Variants in ZNF569 observed in about 807,000 individuals in gnomAD.
ZNF569 encodes the protein DNA-binding protein.
ZNF569 carries 38 observed loss-of-function variants against 56.3 expected under a neutral mutation model. The ratio of observed to expected loss-of-function variants is 0.68; its 90% CI spans 0.52 to 0.88. ZNF569 has a LOEUF of 0.88. Ranked by LOEUF, ZNF569 falls within the 40% of genes least tolerant of loss-of-function variation. The probability of loss-of-function intolerance (pLI) is 0.00; values close to 1 mark genes in which losing one functional copy is unlikely to be tolerated. For synonymous variants in ZNF569, 241 were observed against 262.9 expected, an observed-to-expected ratio of 0.92 and a Z score of 0.81; for missense variants, 666 against 809.2, an observed-to-expected ratio of 0.82 and a Z score of 2.15.
chr19:37,452,986 T>A (rs2058914041), intron 2 of ZNF569, among the ~76,000 whole-genome samples: 1 of 152,174 alleles, frequency 6.6e-6, no homozygotes, highest in African/African-American at 2.4e-5. Flanking sequence ...TAAGCCTTCT[T>A]CACTCTTTTT....
intron 5 of ZNF569, among the ~76,000 whole-genome samples, chr19:37,424,002 T>C (rs1264525905): frequency 6.6e-6 from 1 of 152,200 alleles, no homozygotes. Flanking sequence ...TGTATATATG[T>C]ATATGTGGGT....
chr19:37,438,347 C>T (rs376344995), intron 3 of ZNF569, among the ~76,000 whole-genome samples: 152 of 152,276 alleles, frequency 1.0e-3, no homozygotes, highest in African/African-American at 3.3e-3. Context: ...GTTCACACCT[C>T]TGCACTCCAG....
In ZNF569 at chr19:37,414,381, C is replaced by G. The variant is rs1430068109; in HGVS notation, c.277G>C (p.Asp93His). ...ACTTCAACTTGTCTCAAAAGTCTGT[C>G]CTGGTTTTTCTGATGCTCATCAACT... ...WGVDEHQKNQ[D>H]RLLRQVEVKF... The change falls in exon 6 of 6, where the codon GAC becomes CAC. Residue 93 changes from aspartate (D) to histidine (H), a missense_variant. By Grantham distance (81) the Asp-to-His change is moderately conservative. Coordinates refer to ENST00000316950, the MANE Select transcript of ZNF569 (RefSeq NM_152484.3). 1 of 1,603,672 alleles carries G rather than the reference C, an allele frequency of 6.2e-7. No homozygotes were observed. The highest frequency in any genetic ancestry group is 8.5e-7 in the Non-Finnish European group (1 of 1,176,192).
rs138925519 is a variant in ZNF569 at position 37,464,560 on chromosome 19, T to C, written c.-44+753A>G. Among the ~76,000 whole-genome samples, 543 of 152,304 alleles carry C rather than the reference T, an allele frequency of 3.6e-3. 4 individuals carry two copies. The highest frequency in any genetic ancestry group is 0.013 in the African/African-American group (521 of 41,564). On this transcript the variant is annotated intron_variant, in intron 2 of 5. Coordinates refer to ENST00000316950, the MANE Select transcript of ZNF569 (RefSeq NM_152484.3). Reference sequence around the variant, plus strand: ...TTAGATACACAAAGTCTTACTACTGTGTTACAGTTGCCTATGGTAGTCAGT... The same window carrying C: ...TTAGATACACAAAGTCTTACTACTGCGTTACAGTTGCCTATGGTAGTCAGT...
At chr19:37,419,969 CTTTTT>C (rs60568702) in intron 5 of ZNF569, among the ~76,000 whole-genome samples, 1 of 100,624 alleles carries the variant, frequency 9.9e-6, no homozygotes, top group Non-Finnish European at 1.9e-5. Flanking sequence ...TCTTTTCTTT[CTTTTT>C]TTTTTTTTTT....
intron 3 of ZNF569, among the ~76,000 whole-genome samples, chr19:37,427,425 T>C (rs369048353): frequency 1.2e-4 from 19 of 152,178 alleles, no homozygotes; most frequent in African/African-American, 4.1e-4. Flanking sequence ...AAAACAGAAA[T>C]GCCCAAACGT....
intron 5 of ZNF569, among the ~76,000 whole-genome samples, chr19:37,420,924 T>C (rs958928151): frequency 3.9e-5 from 6 of 152,364 alleles, no homozygotes; most frequent in Non-Finnish European, 7.3e-5. Context: ...GCTTGATCCA[T>C]GAGCTGCAGA....
Position 37,413,330 on chromosome 19 carries a change from C to T in ZNF569, c.1328G>A (p.Cys443Tyr). The part of the protein sequence containing the change: ...TREKPYECNE[C>Y]GKAFIQMSNL... ...TGACATCTGTATAAAAGCTTTCCCA[C>T]ATTCATTACACTCATAAGGTTTCTC... Residue 443 changes from cysteine (C) to tyrosine (Y), a missense_variant, in exon 6 of 6, where the codon TGT becomes TAT. Coordinates refer to ENST00000316950, the MANE Select transcript of ZNF569 (RefSeq NM_152484.3). 6.2e-7 allele frequency: 1 copy of T among 1,606,710 alleles called. No homozygotes were observed. The highest frequency in any genetic ancestry group is 8.5e-7 in the Non-Finnish European group (1 of 1,177,718).
rs759848319 is a variant in ZNF569 at position 37,414,205 on chromosome 19, G to A, written c.453C>T (p.Asp151=). ...LFGKCLEHNF[D]CHNNVKCLMR... is the part of the protein sequence containing the mutation. Reference sequence around the variant, plus strand: ...TAAGGCATTTCACATTATTATGACAGTCAAAATTATGTTCTAAACACTTTC... The same window carrying A: ...TAAGGCATTTCACATTATTATGACAATCAAAATTATGTTCTAAACACTTTC... The change falls in exon 6 of 6, where the codon GAC becomes GAT. Residue 151 remains aspartate (D), a synonymous_variant. Coordinates refer to ENST00000316950, the MANE Select transcript of ZNF569 (RefSeq NM_152484.3). 3.0e-5 allele frequency: 49 copies of A among 1,612,894 alleles called. No individual in the cohort carries two copies. The highest frequency in any genetic ancestry group is 8.9e-5 in the East Asian group (4 of 44,834).
At chr19:37,461,740 T>G (rs1355354351) in intron 2 of ZNF569, among the ~76,000 whole-genome samples, 1 of 152,216 alleles carries the variant, frequency 6.6e-6, no homozygotes, top group Non-Finnish European at 1.5e-5. Flanking sequence ...CTTTTCCACT[T>G]ACCTAGCCTA....
At chr19:37,424,101 G>C (rs1449402850) in intron 5 of ZNF569, among the ~76,000 whole-genome samples, 1 of 152,084 alleles carries the variant, frequency 6.6e-6, no homozygotes, top group African/African-American at 2.4e-5. Flanking sequence ...AATCAGCACT[G>C]ACTTAAAACT....
Position 37,412,472 on chromosome 19 carries a change from T to C in ZNF569, c.*125A>G. On this transcript the variant is annotated 3_prime_UTR_variant, in exon 6 of 6. Coordinates refer to ENST00000316950, the MANE Select transcript of ZNF569 (RefSeq NM_152484.3). ...AAGAATTCTCTAATGTTTCATAAAT[T>C]TGTGGCTTTTTCAGAAGGCTATCCC... 1 of 1,363,788 alleles carries C rather than the reference T, an allele frequency of 7.3e-7. No individual in the cohort carries two copies. Among genetic ancestry groups the C allele is most frequent in the East Asian group, 2.6e-5 (1 of 39,082 alleles). 84.5% of individuals were successfully genotyped at this position (1,363,788 alleles called of 1,614,324 possible). A position where few individuals can be genotyped will look rare whatever the true frequency, so the allele number is the denominator to read the frequency against.
chr19:37,444,999 T>G, intron 2 of ZNF569, 35 bp from the exon 3 acceptor site: 2 of 1,531,340 alleles, frequency 1.3e-6, no homozygotes, highest in Non-Finnish European at 1.8e-6. Context: ...AAAATAGGCC[T>G]GTCTTTAGTT....
intron 2 of ZNF569, among the ~76,000 whole-genome samples, chr19:37,452,001 C>T (rs2041601868): frequency 6.6e-6 from 1 of 152,158 alleles, no homozygotes; most frequent in African/African-American, 2.4e-5. Context: ...TCCTTCATCT[C>T]TTCTCTCTTG....
At chr19:37,443,142 T>G (rs774846131) in intron 3 of ZNF569, among the ~76,000 whole-genome samples, 1 of 151,192 alleles carries the variant, frequency 6.6e-6, no homozygotes, top group African/African-American at 2.4e-5. Context: ...AGGTCAGGAG[T>G]TGGAGACCAG....
intron 2 of ZNF569, among the ~76,000 whole-genome samples, chr19:37,448,375 C>G (rs1300643630): frequency 2.6e-5 from 4 of 151,978 alleles, no homozygotes; most frequent in African/African-American, 9.7e-5. Flanking sequence ...TTGCAGTATT[C>G]TTTTATTATC....
At chr19:37,452,607 G>T (rs1224690285) in intron 2 of ZNF569, among the ~76,000 whole-genome samples, 6 of 152,000 alleles carry the variant, frequency 3.9e-5, no homozygotes, top group Non-Finnish European at 8.8e-5. Context: ...TGTTTTGTCT[G>T]TTTGATCTTT....
intron 3 of ZNF569, among the ~76,000 whole-genome samples, chr19:37,438,383 C>T (rs1346477052): frequency 6.6e-6 from 1 of 152,146 alleles, no homozygotes; most frequent in Non-Finnish European, 1.5e-5. Context: ...AAGATCCTGT[C>T]ACAAACAGCG....
chr19:37,468,916 T>A, upstream of ZNF569: 11 of 260,510 alleles, frequency 4.2e-5, no homozygotes, highest in Non-Finnish European at 6.4e-5. Context: ...TCCAGCACAA[T>A]TCTAGGAATT....
Sources: gnomAD v4.1 joint callset for allele counts (sites outside exome capture counted in the v4.1 genomes callset) on GRCh38, gnomAD v4.1.1 for gene constraint, MANE v1.5 for transcripts, NCBI Gene and HGNC (gene_info 2026-07-23, HGNC 2026-07-21) for gene names.